BCAS3: variants seen among roughly 807,000 people sequenced by gnomAD.
The protein encoded by BCAS3 is BCAS4/BCAS3 fusion.
BCAS3 carries 53 observed loss-of-function variants against 116.1 expected under a neutral mutation model. The ratio of observed to expected loss-of-function variants is 0.46; its 90% CI spans 0.37 to 0.57. The LOEUF (loss-of-function observed/expected upper bound fraction) is 0.57. Among genes scored for constraint, BCAS3 ranks in the 20% least tolerant of loss-of-function variants. The pLI, the probability that BCAS3 is intolerant of heterozygous loss-of-function variation, is 0.00. For synonymous variants in BCAS3, 391 were observed against 408.2 expected, an observed-to-expected ratio of 0.96 and a Z score of 0.51; for missense variants, 917 against 1,165.4, an observed-to-expected ratio of 0.79 and a Z score of 3.10.
At chr17:60,844,817 G>A (rs1218604850) in intron 7 of BCAS3, among the ~76,000 whole-genome samples, 1 of 152,194 alleles carries the variant, frequency 6.6e-6, no homozygotes, top group Non-Finnish European at 1.5e-5. Context: ...TCAGTGAGTA[G>A]ACGTGAGGAT....
rs2059550805 is a variant in BCAS3 at position 61,380,436 on chromosome 17, C to T, written c.2594-11541C>T. 6.9e-7 allele frequency: 1 copy of T among 1,449,848 alleles called. No individual in the cohort carries two copies. Among genetic ancestry groups the T allele is most frequent in the Admixed American group, 1.8e-5 (1 of 54,890 alleles). 89.8% of individuals were successfully genotyped at this position (1,449,848 alleles called of 1,614,324 possible). On this transcript the variant is annotated intron_variant, in intron 23 of 23. Transcript: ENST00000407086. The surrounding 1 kb of genome is among the most constrained non-coding windows in gnomAD (Gnocchi z 4.2). ...TTTGGGTATCGACTCACTTTGATCTCAGCTCTTCCTGCTCTCTTAAAGGTC... is the reference window on the plus strand; with the variant it reads ...TTTGGGTATCGACTCACTTTGATCTTAGCTCTTCCTGCTCTCTTAAAGGTC...
At chr17:60,721,288 C>T (rs2144094481) in intron 5 of BCAS3, among the ~76,000 whole-genome samples, 1 of 152,194 alleles carries the variant, frequency 6.6e-6, no homozygotes, top group South Asian at 2.1e-4. Context: ...TTGTTTGGTG[C>T]ATTCTCTTCT....
intron 9 of BCAS3, among the ~76,000 whole-genome samples, chr17:60,881,737 A>C (rs1273951860): frequency 6.6e-6 from 1 of 151,330 alleles, no homozygotes; most frequent in African/African-American, 2.4e-5. Flanking sequence ...GATGATTTCC[A>C]ATTTCATCTA....
At chr17:61,252,881 ATT>A (rs35598768) in intron 22 of BCAS3, among the ~76,000 whole-genome samples, 15 of 137,636 alleles carry the variant, frequency 1.1e-4, no homozygotes, top group African/African-American at 4.1e-4. Flanking sequence ...GTTCCTATAC[ATT>A]TTTTTTTTTT....
chr17:60,772,080 A>G (rs1247782844), intron 6 of BCAS3, among the ~76,000 whole-genome samples: 2 of 152,186 alleles, frequency 1.3e-5, no homozygotes, highest in Non-Finnish European at 2.9e-5. Context: ...CAGTAATGGG[A>G]TGGCTGGGTC....
At chr17:60,707,857 A>T (rs2037370412) in intron 4 of BCAS3, among the ~76,000 whole-genome samples, 1 of 152,198 alleles carries the variant, frequency 6.6e-6, no homozygotes, top group Non-Finnish European at 1.5e-5. Context: ...CCTATATTTT[A>T]GTGATTGATT....
intron 22 of BCAS3, among the ~76,000 whole-genome samples, chr17:61,250,695 A>G (rs1377988697): frequency 6.6e-6 from 1 of 152,208 alleles, no homozygotes; most frequent in Admixed American, 6.5e-5. Flanking sequence ...ACCCATGTAC[A>G]TGCTGTGAGT....
At chr17:60,696,624 C>A (rs7217383) in intron 4 of BCAS3, 10,662 of 151,680 alleles carry the variant, frequency 0.07, 1,249 homozygotes, top group African/African-American at 0.24. Flanking sequence ...ATGCTGCTAT[C>A]AGCTTCTATT....
At chr17:60,701,817 A>AAAAAAAAAAAAAAG (rs2036442986) in intron 4 of BCAS3, among the ~76,000 whole-genome samples, 1 of 149,142 alleles carries the variant, frequency 6.7e-6, no homozygotes, top group African/African-American at 2.5e-5. Flanking sequence ...AAAAAAAAAA[A>AAAAAAAAAAAAAAG]AAAAGAAAAA....
intron 22 of BCAS3, among the ~76,000 whole-genome samples, chr17:61,193,697 C>G (rs377532742): frequency 7.9e-6 from 1 of 125,816 alleles, no homozygotes; most frequent in South Asian, 2.5e-4. Context: ...GTGGAGGTTG[C>G]TGTGAGCCGA....
chr17:61,217,668 T>C lies in BCAS3; in HGVS notation c.2425+133104T>C, dbSNP rs1333689327. On this transcript the variant is annotated intron_variant, in intron 22 of 23. Coordinates refer to ENST00000407086, the MANE Select transcript of BCAS3 (RefSeq NM_017679.5). The surrounding 1 kb of genome is among the most constrained non-coding windows in gnomAD (Gnocchi z 5.2). Reference sequence around the variant, plus strand: ...AGTCTGCATTTTTATCCTGTTAGGTTTTCCAGACCTGATATCATTAGGCAG... The same window carrying C: ...AGTCTGCATTTTTATCCTGTTAGGTCTTCCAGACCTGATATCATTAGGCAG... Among the ~76,000 whole-genome samples the C allele has an allele frequency of 1.3e-5, 2 of 152,186 alleles. No individual in the cohort carries two copies. The highest frequency in any genetic ancestry group is 4.8e-5 in the African/African-American group (2 of 41,448).
rs2145503843 is a variant in BCAS3, at chr17:61,008,473, T to A, written c.1487-7278T>A. ...GATGGCAAGCAAGAACTAAGCAGTG[T>A]TTTTAACTTTTCAGAGCCCACATTT... is the stretch of plus-strand genomic sequence containing the variant. On this transcript the variant is annotated intron_variant, in intron 15 of 23. Coordinates refer to ENST00000407086, the MANE Select transcript of BCAS3 (RefSeq NM_017679.5). The surrounding 1 kb of genome is among the most constrained non-coding windows in gnomAD (Gnocchi z 4.6). Among the ~76,000 whole-genome samples the A allele has an allele frequency of 6.6e-6, 1 of 152,128 alleles. No individual in the cohort carries two copies. The highest frequency in any genetic ancestry group is 2.4e-5 in the African/African-American group (1 of 41,526).
At chr17:61,268,445 T>C (rs1214644040) in intron 22 of BCAS3, among the ~76,000 whole-genome samples, 1 of 152,172 alleles carries the variant, frequency 6.6e-6, no homozygotes, top group Non-Finnish European at 1.5e-5. Context: ...AACATTATCA[T>C]CTTAAGTGTC....
At chr17:60,921,702 A>G (rs2059111936) in intron 12 of BCAS3, among the ~76,000 whole-genome samples, 2 of 150,274 alleles carry the variant, frequency 1.3e-5, no homozygotes, top group Admixed American at 1.3e-4. Context: ...TAGAGTGGGG[A>G]GGGAGGAAGG....
chr17:60,915,687 CTTT>C (rs372948619), intron 12 of BCAS3, among the ~76,000 whole-genome samples: 2 of 136,336 alleles, frequency 1.5e-5, no homozygotes, highest in African/African-American at 3.1e-5. Flanking sequence ...TTTTTCTTTT[CTTT>C]TTTTTTTTTT....
intron 5 of BCAS3, among the ~76,000 whole-genome samples, chr17:60,714,876 A>G (rs1255787814): frequency 6.6e-6 from 1 of 152,086 alleles, no homozygotes; most frequent in Admixed American, 6.6e-5. Context: ...AGCTTTCCTG[A>G]GCTGTCAGAG....
At chr17:61,015,424 G>A (rs890886187) in intron 15 of BCAS3, among the ~76,000 whole-genome samples, 1 of 152,044 alleles carries the variant, frequency 6.6e-6, no homozygotes, top group African/African-American at 2.4e-5. Context: ...TAGTAGCTAG[G>A]ATGACAAGCG....
rs1323977203 is a variant in BCAS3 at position 61,134,458 on chromosome 17, A to C, written c.2425+49894A>C. On this transcript the variant is annotated intron_variant, in intron 22 of 23. Coordinates refer to ENST00000407086, the MANE Select transcript of BCAS3 (RefSeq NM_017679.5). The surrounding 1 kb of genome is among the most constrained non-coding windows in gnomAD (Gnocchi z 4.6). The stretch of plus-strand genomic sequence containing the variant: ...TGACTCCAGAGCCCTCGCTTTTTAC[A>C]CCAGCCTCTACTATCTCCCTGTGTG... 1.8e-4 allele frequency among the ~76,000 whole-genome samples: 28 copies of C among 152,330 alleles called. No homozygotes were observed. The highest frequency in any genetic ancestry group is 1.8e-3 in the Admixed American group (28 of 15,300).
intron 21 of BCAS3, among the ~76,000 whole-genome samples, chr17:61,080,483 G>A (rs1220974409): frequency 1.3e-5 from 2 of 151,872 alleles, no homozygotes; most frequent in East Asian, 1.9e-4. Flanking sequence ...GGTGGCTCAC[G>A]CCTGTAATCC....
Sources: allele counts gnomAD v4.1 joint callset (sites outside exome capture counted in the v4.1 genomes callset), GRCh38; gene constraint gnomAD v4.1.1; non-coding constraint Gnocchi (gnomAD v3.1); transcripts MANE v1.5; gene names NCBI Gene and HGNC (gene_info 2026-07-23, HGNC 2026-07-21).